The following PKIB variants were observed in gnomAD, a reference collection of about 807,000 sequenced individuals.
PKIB encodes cAMP-dependent protein kinase inhibitor beta, also known as PKI-beta.
In PKIB, 2 loss-of-function variants were observed where a neutral mutation model predicts 4.5. The ratio of observed to expected loss-of-function variants is 0.44; its 90% CI spans 0.18 to 1.39. The LOEUF is 1.39. Among genes scored for constraint, PKIB ranks in the 40% most tolerant of loss-of-function variants. The pLI is 0.27. For missense variants in PKIB, 94 were observed against 92.6 expected (o/e 1.02, Z -0.06); for synonymous variants, 38 against 36.0 (o/e 1.06, Z -0.20).
intron 2 of PKIB, among the ~76,000 whole-genome samples, chr6:122,532,832 T>C (rs975219540): frequency 2.0e-5 from 3 of 152,200 alleles, no homozygotes; most frequent in African/African-American, 7.2e-5. Context: ...CACGAATATC[T>C]CTTCAAGACC....
chr6:122,618,680 GT>G (rs959487037), intron 1 of PKIB, among the ~76,000 whole-genome samples: 3 of 151,942 alleles, frequency 2.0e-5, no homozygotes, highest in Non-Finnish European at 4.4e-5. Context: ...ATAAATTACA[GT>G]TTTTTAATGG....
At chr6:122,688,906 G>C (rs577064023) in intron 3 of PKIB, among the ~76,000 whole-genome samples, 135 of 150,764 alleles carry the variant, frequency 9.0e-4, no homozygotes, top group African/African-American at 3.1e-3. Flanking sequence ...TCAGCCTCCC[G>C]AGTGGCTGGG....
chr6:122,655,305 T>A (rs1776723555), intron 2 of PKIB, among the ~76,000 whole-genome samples: 1 of 152,220 alleles, frequency 6.6e-6, no homozygotes, highest in Non-Finnish European at 1.5e-5. Context: ...TGTTTATATG[T>A]TGAAATCATA....
intron 2 of PKIB, among the ~76,000 whole-genome samples, chr6:122,566,652 GCCTT>G (rs60964400): frequency 1.8e-4 from 27 of 147,890 alleles, no homozygotes; most frequent in South Asian, 6.5e-4. Flanking sequence ...CTTCCTTCCT[GCCTT>G]CCTTCCTTCC....
intron 2 of PKIB, among the ~76,000 whole-genome samples, chr6:122,498,689 C>T (rs1399462000): frequency 1.3e-5 from 2 of 151,962 alleles, no homozygotes; most frequent in Non-Finnish European, 2.9e-5. Context: ...ACTACAAAGC[C>T]AGTAGAAGAA....
chr6:122,554,851 ACT>A lies in PKIB; in HGVS notation c.-247-31067_-247-31066del, dbSNP rs140268171. On this transcript the variant is annotated intron_variant, in intron 2 of 6. Transcript: ENST00000392491. ...CTCTAAAAAATCAATTCAAAAGAAC[ACT>A]CTATTAGTAACTTTAGATAATTGCC... 2.2e-3 allele frequency among the ~76,000 whole-genome samples: 337 copies of A among 152,196 alleles called. 7 individuals are homozygous for A. In the East Asian group the frequency reaches 0.044, roughly 20 times the overall value.
At chr6:122,540,930 A>G (rs1777575777) in intron 2 of PKIB, among the ~76,000 whole-genome samples, 1 of 151,156 alleles carries the variant, frequency 6.6e-6, no homozygotes, top group African/African-American at 2.4e-5. Flanking sequence ...CTTTACCATT[A>G]TGTAATGGCC....
chr6:122,710,193 T>C (rs1262492037), intron 3 of PKIB, among the ~76,000 whole-genome samples: 2 of 152,174 alleles, frequency 1.3e-5, no homozygotes, highest in African/African-American at 2.4e-5. Flanking sequence ...TGTGACCACA[T>C]TGGTAAGAAT....
At chr6:122,681,320 A>C (rs561404062) in intron 3 of PKIB, among the ~76,000 whole-genome samples, 1 of 152,342 alleles carries the variant, frequency 6.6e-6, no homozygotes, top group South Asian at 2.1e-4. Context: ...CAAATGAATT[A>C]ATACATTCAT....
intron 3 of PKIB, among the ~76,000 whole-genome samples, chr6:122,590,283 T>C (rs1205599880): frequency 2.0e-5 from 3 of 152,178 alleles, no homozygotes; most frequent in African/African-American, 4.8e-5. Flanking sequence ...GTGAGGTTTA[T>C]TTATGGGAAG....
At position 122,552,586 on chromosome 6, in the gene PKIB, C is replaced by A. The variant is rs558464078; in HGVS notation, c.-247-33335C>A. Among the ~76,000 whole-genome samples, 4 of 152,198 alleles carry A rather than the reference C, an allele frequency of 2.6e-5. No individual in the cohort carries two copies. In the East Asian group the frequency reaches 7.7e-4, roughly 29 times the overall value. On this transcript the variant is annotated intron_variant, in intron 2 of 6. Coordinates refer to the PKIB transcript ENST00000392491. ...AGAGATGGGGTTTTGCTATGTTTGC[C>A]AGGCTCGTCTCAAACTCCAGGCCTC...
At chr6:122,484,792 A>G (rs1775715830) in intron 2 of PKIB, among the ~76,000 whole-genome samples, 1 of 152,214 alleles carries the variant, frequency 6.6e-6, no homozygotes. Flanking sequence ...CAAACTAAAT[A>G]TGGTCTGAGA....
intron 2 of PKIB, chr6:122,478,683 A>G (rs1775515521): frequency 6.6e-6 from 1 of 152,216 alleles, no homozygotes; most frequent in South Asian, 2.1e-4. Flanking sequence ...AATGGAGTCC[A>G]AAATAGTGAA....
chr6:122,560,536 G>A (rs1159056588), intron 2 of PKIB, among the ~76,000 whole-genome samples: 2 of 152,032 alleles, frequency 1.3e-5, no homozygotes, highest in Non-Finnish European at 2.9e-5. Flanking sequence ...TTGGTATTAG[G>A]GTGATGCTGG....
rs117671843 is a variant in PKIB, at chr6:122,640,813, A to G, written c.-76+7446A>G. 1.2e-3 allele frequency among the ~76,000 whole-genome samples: 187 copies of G among 152,328 alleles called. 3 individuals are homozygous for G. In the East Asian group the frequency reaches 0.02, roughly 17 times the overall value. On this transcript the variant is annotated intron_variant, in intron 2 of 4. Transcript: ENST00000368452. ...ACCAGCTGCAATAATGAATATTTAAATAAATAAATATTTCAATACTGTGAG... is the reference window on the plus strand; with the variant it reads ...ACCAGCTGCAATAATGAATATTTAAGTAAATAAATATTTCAATACTGTGAG...
intron 1 of PKIB, among the ~76,000 whole-genome samples, chr6:122,624,265 AATC>A (rs973937706): frequency 6.6e-6 from 1 of 152,222 alleles, no homozygotes; most frequent in Non-Finnish European, 1.5e-5. Context: ...AATATTACAA[AATC>A]ATTTAGGTAA....
At chr6:122,561,988 G>GTTTTTTTTTTTTT (rs796363707) in intron 2 of PKIB, among the ~76,000 whole-genome samples, 1 of 24,274 alleles carries the variant, frequency 4.1e-5, no homozygotes, top group African/African-American at 1.6e-4. Flanking sequence ...TTTTTTGTTT[G>GTTTTTTTTTTTTT]TTTTTGTTTT....
At position 122,725,332 on chromosome 6, in the gene PKIB, T is replaced by G; in HGVS notation, c.*137T>G. On this transcript the variant is annotated 3_prime_UTR_variant, in exon 5 of 5. Coordinates refer to ENST00000368452, the MANE Select transcript of PKIB (RefSeq NM_181795.3). ...GCAGCATGTGTATATTAGATAATTG[T>G]GTTGTGATGCTACTCACTTTGATTG... 1 of 669,226 alleles carries G rather than the reference T, an allele frequency of 1.5e-6. No individual in the cohort carries two copies. The highest frequency in any genetic ancestry group is 2.1e-5 in the South Asian group (1 of 46,672). The allele number at this position is 669,226 out of a possible 1,614,324, so 41.5% of individuals were successfully genotyped here. A position where few individuals can be genotyped will look rare whatever the true frequency, so the allele number is the denominator to read the frequency against.
At chr6:122,497,254 C>A (rs1776098823) in intron 2 of PKIB, among the ~76,000 whole-genome samples, 1 of 152,140 alleles carries the variant, frequency 6.6e-6, no homozygotes, top group African/African-American at 2.4e-5. Flanking sequence ...AAAAACAATA[C>A]CTACTACCAT....
Sources: gnomAD v4.1 joint callset for allele counts (sites outside exome capture counted in the v4.1 genomes callset) on GRCh38, gnomAD v4.1.1 for gene constraint, MANE v1.5 for transcripts, NCBI Gene and HGNC (gene_info 2026-07-23, HGNC 2026-07-21) for gene names.